CNTN1: variants seen among roughly 807,000 people sequenced by gnomAD.
The protein encoded by CNTN1 is contactin 1, also known as contactin-1.
CNTN1 carries 38 observed loss-of-function variants against 126.4 expected under a neutral mutation model. That is an observed-to-expected ratio of 0.30 (90% confidence interval 0.23 to 0.39). The LOEUF is 0.39. Among genes scored for constraint, CNTN1 ranks in the 10% least tolerant of loss-of-function variants. The pLI, the probability that CNTN1 is intolerant of heterozygous loss-of-function variation, is 1.00. For missense variants in CNTN1, 1,009 were observed against 1,248.4 expected, an observed-to-expected ratio of 0.81 and a Z score of 2.89; for synonymous variants, 413 against 422.6, an observed-to-expected ratio of 0.98 and a Z score of 0.28.
At chr12:40,703,850 T>C (rs1054990922) in intron 1 of CNTN1, among the ~76,000 whole-genome samples, 10 of 152,160 alleles carry the variant, frequency 6.6e-5, no homozygotes, top group African/African-American at 1.4e-4. Flanking sequence ...AGACGTTGCA[T>C]TGGGGCTAGA....
chr12:40,928,823 TC>T (rs973800102), intron 6 of CNTN1, among the ~76,000 whole-genome samples: 3 of 152,038 alleles, frequency 2.0e-5, no homozygotes, highest in African/African-American at 7.2e-5. Flanking sequence ...CACGCTGAGT[TC>T]CCGAAAGCAA....
intron 1 of CNTN1, among the ~76,000 whole-genome samples, chr12:40,747,954 T>G (rs1300373647): frequency 6.6e-6 from 1 of 152,116 alleles, no homozygotes; most frequent in African/African-American, 2.4e-5. Context: ...AGATACTAAA[T>G]TAGATCTCTG....
chr12:40,991,031 G>A (rs1283841157), intron 16 of CNTN1, among the ~76,000 whole-genome samples: 3 of 152,128 alleles, frequency 2.0e-5, no homozygotes, highest in Non-Finnish European at 4.4e-5. Flanking sequence ...TTCAGTATTA[G>A]TTTTCTAGGG....
intron 22 of CNTN1, among the ~76,000 whole-genome samples, chr12:41,028,323 C>A (rs538826464): frequency 6.6e-6 from 1 of 152,124 alleles, no homozygotes; most frequent in African/African-American, 2.4e-5. Context: ...TGAGCCACCA[C>A]GGCTGGCCCC....
intron 1 of CNTN1, among the ~76,000 whole-genome samples, chr12:40,737,282 T>C (rs1937725725): frequency 3.1e-5 from 1 of 32,778 alleles, no homozygotes. Context: ...TAATAGGATA[T>C]ATATGTGTGT....
rs76253125 is a variant in CNTN1, at chr12:40,711,954, A to G, written c.-77+19362A>G. 4.7e-4 allele frequency among the ~76,000 whole-genome samples: 71 copies of G among 152,226 alleles called. 1 individual carries two copies. The highest frequency in any genetic ancestry group is 1.7e-3 in the African/African-American group (69 of 41,558). On this transcript the variant is annotated intron_variant, in intron 1 of 23. Transcript: ENST00000551295. ...AAGCTGTTCTCTAACTCCTGGCCTG[A>G]AGTGATTGTCTTGTCTCAGTTTCCC...
chr12:40,831,619 G>A (rs1262138189), intron 1 of CNTN1, among the ~76,000 whole-genome samples: 2 of 152,086 alleles, frequency 1.3e-5, no homozygotes, highest in Non-Finnish European at 2.9e-5. Context: ...TCTGAGGAGT[G>A]CCTCAGTTTA....
intron 1 of CNTN1, among the ~76,000 whole-genome samples, chr12:40,908,014 AG>A (rs1944893722): frequency 6.6e-6 from 1 of 152,236 alleles, no homozygotes; most frequent in Admixed American, 6.5e-5. Context: ...TGCTATTTGT[AG>A]AAAAGACTTA....
intron 1 of CNTN1, among the ~76,000 whole-genome samples, chr12:40,796,079 G>A (rs1479979570): frequency 6.6e-6 from 1 of 151,984 alleles, no homozygotes; most frequent in Admixed American, 6.6e-5. Flanking sequence ...AACTATGATC[G>A]ATGACCAGTG....
intron 1 of CNTN1, among the ~76,000 whole-genome samples, chr12:40,899,766 G>A (rs1300107217): frequency 6.6e-6 from 1 of 152,064 alleles, no homozygotes; most frequent in East Asian, 1.9e-4. Flanking sequence ...TTCAAGAGTT[G>A]CTCAGAAATC....
chr12:40,757,777 AT>A (rs997223765), intron 1 of CNTN1, among the ~76,000 whole-genome samples: 14 of 152,202 alleles, frequency 9.2e-5, no homozygotes, highest in Admixed American at 6.5e-4. Flanking sequence ...TAAGAAAAAA[AT>A]AAAACCATTT....
intron 14 of CNTN1, among the ~76,000 whole-genome samples, chr12:40,947,047 A>G (rs1946458845): frequency 6.6e-6 from 1 of 152,040 alleles, no homozygotes; most frequent in Non-Finnish European, 1.5e-5. Flanking sequence ...TTTAATGGGA[A>G]CACCAAAAAA....
At chr12:40,941,487 C>T (rs866095221) in intron 12 of CNTN1, among the ~76,000 whole-genome samples, 1 of 151,906 alleles carries the variant, frequency 6.6e-6, no homozygotes, top group African/African-American at 2.4e-5. Context: ...TGGTTAGTGC[C>T]TAAAGAGTGG....
intron 1 of CNTN1, among the ~76,000 whole-genome samples, chr12:40,814,924 G>A (rs1029868248): frequency 6.6e-6 from 1 of 151,798 alleles, no homozygotes; most frequent in East Asian, 1.9e-4. Flanking sequence ...TCCCTTGTAA[G>A]TTGGATTCCT....
chr12:40,787,061 C>T (rs372255565), intron 1 of CNTN1, among the ~76,000 whole-genome samples: 2 of 152,186 alleles, frequency 1.3e-5, no homozygotes, highest in East Asian at 3.9e-4. Context: ...TACTGGAATA[C>T]TGGGGATATA....
chr12:40,938,837 C>T (rs1209940723), intron 11 of CNTN1, among the ~76,000 whole-genome samples: 4 of 152,042 alleles, frequency 2.6e-5, no homozygotes, highest in South Asian at 2.1e-4. Flanking sequence ...TGCAGTGAGG[C>T]GATCACGCTT....
chr12:40,983,910 C>T (rs1421164427), intron 16 of CNTN1, among the ~76,000 whole-genome samples: 1 of 132,534 alleles, frequency 7.5e-6, no homozygotes. Context: ...TTATTATATG[C>T]TATTATAGCA....
chr12:40,757,646 C>A (rs1215870754), intron 1 of CNTN1, among the ~76,000 whole-genome samples: 3 of 152,134 alleles, frequency 2.0e-5, no homozygotes, highest in Admixed American at 6.6e-5. Flanking sequence ...CAATGACAAC[C>A]TTCCATAGAT....
In CNTN1 at chr12:40,951,757, TG is replaced by T. The variant is rs1946696648; in HGVS notation, c.1684-7355del. ...AAAAAAAAAAAGAAGAAAAGGAAAA[TG>T]GTTTTGTGATTATGTAAGAAAATGA... is the stretch of plus-strand genomic sequence containing the variant. On this transcript the variant is annotated intron_variant, in intron 14 of 23. Coordinates refer to ENST00000551295, the MANE Select transcript of CNTN1 (RefSeq NM_001843.4). Among the ~76,000 whole-genome samples, 2 of 107,634 alleles carry T rather than the reference TG, an allele frequency of 1.9e-5. 1 individual carries two copies. The highest frequency in any genetic ancestry group is 5.9e-4 in the South Asian group (2 of 3,362). 70.6% of individuals were successfully genotyped at this position (107,634 alleles called of 152,430 possible).
Sources: gnomAD v4.1 joint callset for allele counts (sites outside exome capture counted in the v4.1 genomes callset) on GRCh38, gnomAD v4.1.1 for gene constraint, MANE v1.5 for transcripts, NCBI Gene and HGNC (gene_info 2026-07-23, HGNC 2026-07-21) for gene names.